Variants in CMIP observed in about 807,000 individuals in gnomAD.
CMIP encodes the protein c-Maf inducing protein, also known as C-Maf-inducing protein.
A neutral mutation model predicts 97.3 loss-of-function variants in CMIP; 13 were observed. That is an observed-to-expected ratio of 0.13 (90% CI 0.09 to 0.21). The LOEUF is 0.21. CMIP is among the 10% of genes least tolerant of loss of function. The probability of loss-of-function intolerance (pLI) is 1.00; values close to 1 mark genes in which losing one functional copy is unlikely to be tolerated. For missense variants in CMIP, 847 were observed against 1,024.9 expected (o/e 0.83, Z 2.37); for synonymous variants, 538 against 436.3 (o/e 1.23, Z -2.91).
chr16:81,572,553 T>A (rs1376629826), intron 1 of CMIP, among the ~76,000 whole-genome samples: 1 of 152,236 alleles, frequency 6.6e-6, no homozygotes, highest in African/African-American at 2.4e-5. Context: ...TTTCCTTCCC[T>A]GACGGGAGTT....
intron 3 of CMIP, among the ~76,000 whole-genome samples, chr16:81,633,340 C>T (rs542597146): frequency 1.1e-3 from 171 of 152,302 alleles, no homozygotes; most frequent in African/African-American, 3.8e-3. Flanking sequence ...GGGAGGTGGC[C>T]TGCCATTCTT....
rs556062888 is a variant in CMIP, at chr16:81,627,949, G to C, written c.477+7023G>C. Among the ~76,000 whole-genome samples, 15 of 152,240 alleles carry C rather than the reference G, an allele frequency of 9.9e-5. No homozygotes were observed. Among genetic ancestry groups the C allele is most frequent in the African/African-American group, 3.6e-4 (15 of 41,538 alleles). On this transcript the variant is annotated intron_variant, in intron 3 of 20. Transcript: ENST00000537098. This position sits in a 1 kb window ranked among gnomAD's most constrained non-coding sequence, Gnocchi z 4.6. The stretch of plus-strand genomic sequence containing the variant: ...CCCACCTGACGGGAAGCTGAGGGCA[G>C]GGCCTGGGTCATGTCCCCACTGGCT...
intron 1 of CMIP, among the ~76,000 whole-genome samples, chr16:81,571,713 C>A (rs1188341218): frequency 6.6e-6 from 1 of 151,860 alleles, no homozygotes. Context: ...GTGTGTAGGA[C>A]ATGGCTTAGT....
intron 1 of CMIP, among the ~76,000 whole-genome samples, chr16:81,542,195 C>T (rs1419803646): frequency 6.6e-6 from 1 of 152,180 alleles, no homozygotes; most frequent in Non-Finnish European, 1.5e-5. Flanking sequence ...ATTTTAAAAG[C>T]AGCAGGAGTT....
At chr16:81,474,196 G>T (rs1230712975) in intron 1 of CMIP, among the ~76,000 whole-genome samples, 1 of 152,086 alleles carries the variant, frequency 6.6e-6, no homozygotes, top group African/African-American at 2.4e-5. Context: ...GCTTGTGGGC[G>T]TGGACTTTGT....
At chr16:81,670,451 C>T (rs2092671798) in intron 8 of CMIP, among the ~76,000 whole-genome samples, 2 of 152,166 alleles carry the variant, frequency 1.3e-5, no homozygotes, top group Non-Finnish European at 2.9e-5. Context: ...TCCCACGACC[C>T]CTCAGGCTGT....
At chr16:81,476,311 C>T (rs979538902) in intron 1 of CMIP, 221 of 1,544,852 alleles carry the variant, frequency 1.4e-4, no homozygotes, top group African/African-American at 3.1e-4. Context: ...AGTGCCATTA[C>T]GGCGTGTGAA....
chr16:81,471,549 A>G (rs1017833119), intron 1 of CMIP, among the ~76,000 whole-genome samples: 23 of 135,504 alleles, frequency 1.7e-4, no homozygotes, highest in Non-Finnish European at 3.0e-4. Context: ...ACACATACAC[A>G]CATGTGCACA....
Position 81,481,139 on chromosome 16 carries a change from G to C in CMIP, c.300+35598G>C, listed in dbSNP as rs112864892. Among the ~76,000 whole-genome samples the C allele has an allele frequency of 4.5e-4, 68 of 152,336 alleles. 1 individual carries two copies. Among genetic ancestry groups the C allele is most frequent in the African/African-American group, 1.6e-3 (66 of 41,576 alleles). The stretch of plus-strand genomic sequence containing the variant: ...GATTTTTGATGGCTGTGGGACTCAT[G>C]ATTTATTCAACAAATATTGTTGAGA... On this transcript the variant is annotated intron_variant, in intron 1 of 20. Coordinates refer to ENST00000537098, the MANE Select transcript of CMIP (RefSeq NM_198390.3).
intron 13 of CMIP, chr16:81,695,361 T>C (rs1019092785): frequency 1.3e-5 from 2 of 152,248 alleles, no homozygotes; most frequent in Non-Finnish European, 2.9e-5. Flanking sequence ...AAGTCCTTAT[T>C]GCTTTGAAGT....
intron 1 of CMIP, among the ~76,000 whole-genome samples, chr16:81,499,493 G>A (rs2150775635): frequency 6.6e-6 from 1 of 152,372 alleles, no homozygotes; most frequent in Non-Finnish European, 1.5e-5. Context: ...GATGACCTCT[G>A]AGTGGGAGGC....
At chr16:81,571,616 GAAAA>G (rs2091090770) in intron 1 of CMIP, among the ~76,000 whole-genome samples, 1 of 140,594 alleles carries the variant, frequency 7.1e-6, no homozygotes, top group South Asian at 2.2e-4. Context: ...AAAAAATTAA[GAAAA>G]GAAAAGAAAA....
chr16:81,461,224 G>T (rs1448443206), intron 1 of CMIP, among the ~76,000 whole-genome samples: 1 of 152,208 alleles, frequency 6.6e-6, no homozygotes, highest in African/African-American at 2.4e-5. Flanking sequence ...TGAGGGGCTG[G>T]CTGGGCAGAC....
At position 81,670,204 on chromosome 16, in the gene CMIP, G is replaced by T; in HGVS notation, c.888G>T (p.Glu296Asp). 1 of 1,611,684 alleles carries T rather than the reference G, an allele frequency of 6.2e-7. No individual in the cohort carries two copies. Among genetic ancestry groups the T allele is most frequent in the Non-Finnish European group, 8.5e-7 (1 of 1,179,006 alleles). The change falls in exon 8 of 21, where the codon GAG becomes GAT. Residue 296 changes from glutamate (E) to aspartate (D), a missense_variant. By Grantham distance (45) the Glu-to-Asp change is conservative (BLOSUM62 2). Around this residue, in one of 4 missense-constraint regions of CMIP, gnomAD observed 285 missense variants for 392.2 expected, o/e 0.73. Coordinates refer to ENST00000537098, the MANE Select transcript of CMIP (RefSeq NM_198390.3). ...AGGAGTACATCCTTGCCTTGAACGA[G>T]CTCAACGCGGGGATGGAAGTGGTGA... The part of the protein sequence containing the change: ...FTQEYILALN[E>D]LNAGMEVVKK...
intron 2 of CMIP, chr16:81,618,663 T>C (rs965099143): frequency 4.6e-5 from 7 of 152,170 alleles, no homozygotes; most frequent in Non-Finnish European, 8.8e-5. Flanking sequence ...GGCATCCCCT[T>C]GAAGGTGTGG....
chr16:81,681,806 TCA>T (rs1025422932), intron 10 of CMIP, among the ~76,000 whole-genome samples: 1 of 152,120 alleles, frequency 6.6e-6, no homozygotes, highest in Non-Finnish European at 1.5e-5. Context: ...CCTCTGGGCC[TCA>T]GTTTTCTTGT....
intron 1 of CMIP, among the ~76,000 whole-genome samples, chr16:81,556,005 T>C (rs1374613308): frequency 6.6e-6 from 1 of 152,174 alleles, no homozygotes; most frequent in African/African-American, 2.4e-5. Flanking sequence ...TTTCTTAGAA[T>C]TTGAGTCCAG....
intron 7 of CMIP, chr16:81,666,857 A>T (rs2092608719): frequency 6.6e-6 from 1 of 152,004 alleles, no homozygotes; most frequent in Non-Finnish European, 1.5e-5. Context: ...TCCTAACAAC[A>T]CAGGCGGTGG....
intron 8 of CMIP, among the ~76,000 whole-genome samples, chr16:81,670,763 T>G (rs926160756): frequency 6.6e-6 from 1 of 152,050 alleles, no homozygotes. Flanking sequence ...ACACAACACA[T>G]GGAGAATGCT....
Sources: gnomAD v4.1 joint callset for allele counts (sites outside exome capture counted in the v4.1 genomes callset) on GRCh38, gnomAD v4.1.1 for gene constraint, gnomAD v4.1.1 regional missense constraint, Gnocchi (gnomAD v3.1) non-coding constraint, MANE v1.5 for transcripts, NCBI Gene and HGNC (gene_info 2026-07-23, HGNC 2026-07-21) for gene names.